Variants in RBFOX1 observed in about 807,000 individuals in gnomAD.
RBFOX1 encodes RNA binding fox-1 homolog 1, also known as RNA binding protein fox-1 homolog 1.
RBFOX1 carries 8 observed loss-of-function variants against 57.7 expected under a neutral mutation model. The observed-to-expected ratio is 0.14, with a 90% CI of 0.08 to 0.25. RBFOX1 has a LOEUF of 0.25. RBFOX1 is among the 10% of genes least tolerant of loss of function. The probability of loss-of-function intolerance (pLI) is 1.00; values close to 1 mark genes in which losing one functional copy is unlikely to be tolerated. For synonymous variants in RBFOX1, 326 were observed against 222.4 expected (o/e 1.47, Z -4.15); for missense variants, 611 against 548.5 (o/e 1.11, Z -1.14).
At position 5,778,059 on chromosome 16, in the gene RBFOX1, A is replaced by G. The variant is rs1421401792; in HGVS notation, c.319-89244A>G. On this transcript the variant is annotated intron_variant, in intron 3 of 19. Coordinates refer to the RBFOX1 transcript ENST00000641259. ...GCCAGTGCAGTGGTGAGCTGGAACC[A>G]GGCACTTACCTGCTGGTTCCAAGGT... Among the ~76,000 whole-genome samples, 7 of 152,320 alleles carry G rather than the reference A, an allele frequency of 4.6e-5. No individual in the cohort carries two copies. The South Asian group carries it at 1.5e-3, about 32-fold the overall frequency.
intron 3 of RBFOX1, among the ~76,000 whole-genome samples, chr16:5,839,041 A>C (rs2056546513): frequency 6.6e-6 from 1 of 152,174 alleles, no homozygotes; most frequent in African/African-American, 2.4e-5. Context: ...AGTAGAGGCC[A>C]GGGATATTGA....
chr16:7,360,721 C>G (rs541390477), intron 4 of RBFOX1, among the ~76,000 whole-genome samples: 2 of 152,318 alleles, frequency 1.3e-5, no homozygotes, highest in South Asian at 4.1e-4. Flanking sequence ...GCTGTCAACA[C>G]ACAGCCAATG....
At chr16:7,501,194 A>C (rs2070721892) in intron 4 of RBFOX1, among the ~76,000 whole-genome samples, 2 of 152,182 alleles carry the variant, frequency 1.3e-5, no homozygotes, top group Admixed American at 1.3e-4. Flanking sequence ...GAGAATGATC[A>C]TTTGTCCTAT....
chr16:7,364,748 T>A (rs1409443812), intron 4 of RBFOX1, among the ~76,000 whole-genome samples: 2 of 152,178 alleles, frequency 1.3e-5, no homozygotes, highest in African/African-American at 4.8e-5. Flanking sequence ...AGGGAATACT[T>A]GCTAGTTGTG....
At chr16:6,105,706 T>G (rs2096370552) in intron 1 of RBFOX1, among the ~76,000 whole-genome samples, 1 of 151,644 alleles carries the variant, frequency 6.6e-6, no homozygotes, top group Admixed American at 6.6e-5. Flanking sequence ...ATATATAAAT[T>G]AATTCCCTTG....
At chr16:5,609,709 C>T (rs182932118) in intron 3 of RBFOX1, among the ~76,000 whole-genome samples, 131 of 152,278 alleles carry the variant, frequency 8.6e-4, no homozygotes, top group African/African-American at 3.0e-3. Flanking sequence ...GTCCTCATGC[C>T]TTGTGTCCTT....
intron 3 of RBFOX1, among the ~76,000 whole-genome samples, chr16:6,710,902 C>G (rs1237104531): frequency 6.6e-6 from 1 of 152,174 alleles, no homozygotes; most frequent in Admixed American, 6.5e-5. Context: ...GAGAAGACTC[C>G]TTCTAGAAGA....
chr16:5,431,083 C>G (rs1346771268), intron 1 of RBFOX1, among the ~76,000 whole-genome samples: 1 of 152,236 alleles, frequency 6.6e-6, no homozygotes, highest in East Asian at 1.9e-4. Context: ...GGGACTGGAG[C>G]CACCATAGAG....
At chr16:5,437,337 C>T (rs1026714145) in intron 1 of RBFOX1, among the ~76,000 whole-genome samples, 1 of 152,136 alleles carries the variant, frequency 6.6e-6, no homozygotes, top group Non-Finnish European at 1.5e-5. Flanking sequence ...TAAAGGTAAT[C>T]TGGCATTTTC....
At chr16:7,227,774 G>C (rs1375020338) in intron 4 of RBFOX1, among the ~76,000 whole-genome samples, 3 of 152,302 alleles carry the variant, frequency 2.0e-5, no homozygotes, top group South Asian at 2.1e-4. Flanking sequence ...CTCCCTTCCT[G>C]TGGCAGACAC....
intron 1 of RBFOX1, among the ~76,000 whole-genome samples, chr16:6,058,914 C>T: frequency 6.6e-6 from 1 of 152,146 alleles, no homozygotes; most frequent in East Asian, 1.9e-4. Context: ...AAAACAGCAC[C>T]ATTTTGCAGA....
intron 12 of RBFOX1, among the ~76,000 whole-genome samples, chr16:7,660,260 T>C (rs999573125): frequency 6.6e-6 from 1 of 152,228 alleles, no homozygotes; most frequent in Admixed American, 6.5e-5. Context: ...ATTTGCATTA[T>C]GTCCTTGCAA....
At chr16:5,806,132 C>A (rs1159270432) in intron 3 of RBFOX1, among the ~76,000 whole-genome samples, 1 of 152,174 alleles carries the variant, frequency 6.6e-6, no homozygotes, top group Non-Finnish European at 1.5e-5. Context: ...ACCTGCCTTC[C>A]CTGTTACCTA....
chr16:6,676,519 A>G (rs1384335433), intron 3 of RBFOX1, among the ~76,000 whole-genome samples: 1 of 152,090 alleles, frequency 6.6e-6, no homozygotes, highest in African/African-American at 2.4e-5. Flanking sequence ...CTTGATCATT[A>G]CACATTCTAT....
At chr16:5,509,612 A>G (rs1307340886) in intron 2 of RBFOX1, among the ~76,000 whole-genome samples, 2 of 152,152 alleles carry the variant, frequency 1.3e-5, no homozygotes, top group African/African-American at 4.8e-5. Context: ...GGCCCTTGCA[A>G]ATTCTCCTCA....
At chr16:7,688,365 G>T (rs958368281) in intron 14 of RBFOX1, among the ~76,000 whole-genome samples, 8 of 151,850 alleles carry the variant, frequency 5.3e-5, no homozygotes, top group African/African-American at 1.9e-4. Flanking sequence ...CAATAGCAAT[G>T]TAACAGAATT....
intron 1 of RBFOX1, among the ~76,000 whole-genome samples, chr16:6,123,587 T>C (rs1361906359): frequency 1.3e-5 from 2 of 152,170 alleles, no homozygotes; most frequent in Admixed American, 1.3e-4. Context: ...GCAGCGATGG[T>C]TGTATAACAT....
chr16:6,767,349 C>G (rs1483091369), intron 3 of RBFOX1, among the ~76,000 whole-genome samples: 2 of 152,146 alleles, frequency 1.3e-5, no homozygotes, highest in East Asian at 3.9e-4. Context: ...GGCCATTTCT[C>G]TGCCCCCCTG....
chr16:7,694,726 G>C (rs147851554), intron 14 of RBFOX1, among the ~76,000 whole-genome samples: 2 of 152,274 alleles, frequency 1.3e-5, no homozygotes, highest in East Asian at 1.9e-4. Flanking sequence ...GGCAGGGAAT[G>C]TTCCTGCAAT....
Sources: gnomAD v4.1 joint callset for allele counts (sites outside exome capture counted in the v4.1 genomes callset) on GRCh38, gnomAD v4.1.1 for gene constraint, MANE v1.5 for transcripts, NCBI Gene and HGNC (gene_info 2026-07-23, HGNC 2026-07-21) for gene names.